The following ARHGAP32 variants were observed in gnomAD, a reference collection of about 807,000 sequenced individuals.
ARHGAP32 encodes the protein rho GTPase-activating protein 32.
ARHGAP32 carries 51 observed loss-of-function variants against 186.5 expected under a neutral mutation model. The observed-to-expected ratio is 0.27, with a 90% CI of 0.22 to 0.35. ARHGAP32 has a LOEUF of 0.35. ARHGAP32 is among the 10% of genes least tolerant of loss of function. The pLI is 1.00. For missense variants in ARHGAP32, 2,186 were observed against 2,623.5 expected (o/e 0.83, Z 3.64); for synonymous variants, 950 against 964.3 (o/e 0.99, Z 0.27).
chr11:129,013,385 C>T (rs1938184460), intron 11 of ARHGAP32, among the ~76,000 whole-genome samples: 1 of 152,116 alleles, frequency 6.6e-6, no homozygotes. Context: ...TCTTCTTGCC[C>T]ATCTACATCC....
At chr11:129,048,763 A>G (rs1939918459) in intron 10 of ARHGAP32, among the ~76,000 whole-genome samples, 1 of 152,240 alleles carries the variant, frequency 6.6e-6, no homozygotes, top group African/African-American at 2.4e-5. Context: ...CCATAATACA[A>G]TATCAAATAA....
chr11:129,263,596 G>A (rs1236987776), intron 1 of ARHGAP32, among the ~76,000 whole-genome samples: 1 of 133,704 alleles, frequency 7.5e-6, no homozygotes, highest in African/African-American at 2.7e-5. Context: ...GGAGGAGAAG[G>A]AGGAGGAAAA....
chr11:128,992,453 A>C (rs577943952), intron 12 of ARHGAP32, among the ~76,000 whole-genome samples: 65 of 152,036 alleles, frequency 4.3e-4, no homozygotes, highest in African/African-American at 1.4e-3. Context: ...ACCACCAACA[A>C]CAACACAACA....
intron 1 of ARHGAP32, among the ~76,000 whole-genome samples, chr11:129,227,110 T>A (rs1038669460): frequency 6.6e-6 from 1 of 152,116 alleles, no homozygotes; most frequent in Non-Finnish European, 1.5e-5. Flanking sequence ...GAAATAACAG[T>A]ACAAAGGAAG....
chr11:129,091,605 A>C (rs1332208647), intron 6 of ARHGAP32, among the ~76,000 whole-genome samples: 1 of 152,128 alleles, frequency 6.6e-6, no homozygotes, highest in South Asian at 2.1e-4. Flanking sequence ...AAAAAGTAGA[A>C]ACTGACAGAG....
At chr11:129,079,711 T>C (rs1195925849) in intron 6 of ARHGAP32, among the ~76,000 whole-genome samples, 1 of 152,046 alleles carries the variant, frequency 6.6e-6, no homozygotes, top group African/African-American at 2.4e-5. Context: ...TAAGGTATTC[T>C]GGCAACAACT....
At chr11:128,973,677 G>T in intron 21 of ARHGAP32, 2 of 548,716 alleles carry the variant, frequency 3.6e-6, no homozygotes, top group Non-Finnish European at 3.2e-6. Context: ...AGATGGGGGG[G>T]AAAAAAAGCA....
At chr11:129,244,664 T>C (rs945092285) in intron 1 of ARHGAP32, among the ~76,000 whole-genome samples, 2 of 150,236 alleles carry the variant, frequency 1.3e-5, no homozygotes, top group Non-Finnish European at 3.0e-5. Context: ...ACAGGCAACC[T>C]ACAAAATGGG....
intron 6 of ARHGAP32, among the ~76,000 whole-genome samples, chr11:129,080,384 C>T (rs1275075376): frequency 6.6e-6 from 1 of 151,840 alleles, no homozygotes; most frequent in Admixed American, 6.6e-5. Context: ...TAAAGAAAAT[C>T]GAAATTATAA....
intron 5 of ARHGAP32, among the ~76,000 whole-genome samples, chr11:129,117,077 C>T (rs892051601): frequency 2.0e-5 from 3 of 151,970 alleles, no homozygotes; most frequent in African/African-American, 7.2e-5. Context: ...TTTTAACCTT[C>T]AACTACATTA....
At chr11:129,063,598 A>G (rs1200436790) in intron 9 of ARHGAP32, among the ~76,000 whole-genome samples, 3 of 152,160 alleles carry the variant, frequency 2.0e-5, no homozygotes, top group African/African-American at 7.2e-5. Flanking sequence ...GCAATAAGCC[A>G]TGAGCACAGT....
intron 3 of ARHGAP32, among the ~76,000 whole-genome samples, 180 bp downstream of exon 3, chr11:129,124,623 T>C (rs1942614884): frequency 6.6e-6 from 1 of 152,156 alleles, no homozygotes; most frequent in Non-Finnish European, 1.5e-5. Flanking sequence ...AAGTATATTT[T>C]AGAGGAGTGG....
intron 5 of ARHGAP32, among the ~76,000 whole-genome samples, chr11:129,111,438 T>G (rs1457982099): frequency 6.6e-6 from 1 of 152,242 alleles, no homozygotes; most frequent in Non-Finnish European, 1.5e-5. Flanking sequence ...GAGAATTCTC[T>G]CCTCTTCAAT....
At chr11:129,260,540 TAAAAA>T (rs577036255) in intron 1 of ARHGAP32, among the ~76,000 whole-genome samples, 1 of 152,130 alleles carries the variant, frequency 6.6e-6, no homozygotes, top group African/African-American at 2.4e-5. Context: ...AAAAAAGTCT[TAAAAA>T]ATAAGCTCCT....
At chr11:129,090,648 G>A (rs769375107) in intron 6 of ARHGAP32, among the ~76,000 whole-genome samples, 5 of 152,054 alleles carry the variant, frequency 3.3e-5, no homozygotes, top group Admixed American at 2.6e-4. Context: ...AGAAAAAAAC[G>A]CCCACCACAG....
chr11:128,978,634 G>C (rs895659097), intron 19 of ARHGAP32, 136 bp downstream of exon 19: 40 of 701,006 alleles, frequency 5.7e-5, no homozygotes, highest in Non-Finnish European at 8.4e-5. Flanking sequence ...GAATCGGTGA[G>C]AGAAGACACT....
intron 15 of ARHGAP32, 58 bp from the exon 16 acceptor site, chr11:128,981,994 T>TAAA: frequency 9.2e-7 from 1 of 1,081,908 alleles, no homozygotes; most frequent in Non-Finnish European, 1.3e-6. Context: ...GTATAGAACA[T>TAAA]AAAAGCCTGC....
intron 6 of ARHGAP32, among the ~76,000 whole-genome samples, chr11:129,073,425 A>T (rs939587921): frequency 1.3e-5 from 2 of 152,224 alleles, no homozygotes; most frequent in African/African-American, 4.8e-5. Flanking sequence ...AATGCTAGAG[A>T]TCAAAAGCAG....
chr11:129,135,707 C>T (rs1389371942), intron 2 of ARHGAP32, among the ~76,000 whole-genome samples: 7 of 151,966 alleles, frequency 4.6e-5, no homozygotes. Flanking sequence ...GCGGAGCTTG[C>T]AATGAGCTGA....
Sources: allele counts gnomAD v4.1 joint callset (sites outside exome capture counted in the v4.1 genomes callset), GRCh38; gene constraint gnomAD v4.1.1; transcripts MANE v1.5; gene names NCBI Gene and HGNC (gene_info 2026-07-23, HGNC 2026-07-21).